Variants in UBR3 observed in about 807,000 individuals in gnomAD.
The protein encoded by UBR3 is ubiquitin protein ligase E3 component n-recognin 3, also known as E3 ubiquitin-protein ligase UBR3.
In UBR3, 85 loss-of-function variants were observed where a neutral mutation model predicts 243.2. The ratio of observed to expected loss-of-function variants is 0.35; its 90% CI spans 0.29 to 0.42. The LOEUF (loss-of-function observed/expected upper bound fraction) is 0.42, where lower values mean the gene tolerates loss of function less well. Ranked by LOEUF, UBR3 falls within the 10% of genes least tolerant of loss-of-function variation. The probability of loss-of-function intolerance (pLI) is 1.00; values close to 1 mark genes in which losing one functional copy is unlikely to be tolerated. For missense variants in UBR3, 1,686 were observed against 2,300.8 expected, an observed-to-expected ratio of 0.73 and a Z score of 5.47; for synonymous variants, 748 against 799.8, an observed-to-expected ratio of 0.94 and a Z score of 1.09.
At chr2:170,031,594 A>G (rs1024699936) in intron 31 of UBR3, among the ~76,000 whole-genome samples, 7 of 152,084 alleles carry the variant, frequency 4.6e-5, no homozygotes, top group African/African-American at 1.7e-4. Flanking sequence ...ATATTGCAAG[A>G]TGCTGAGGTT....
chr2:170,001,470 C>T, intron 27 of UBR3, 56 bp downstream of exon 27: 1 of 1,083,414 alleles, frequency 9.2e-7, no homozygotes. Context: ...GGTATTAAAT[C>T]TTTTTATAGT....
chr2:170,067,859 C>T (rs1188863127), intron 35 of UBR3, among the ~76,000 whole-genome samples: 1 of 150,844 alleles, frequency 6.6e-6, no homozygotes, highest in African/African-American at 2.4e-5. Context: ...AACCTCTGCA[C>T]CTGGGTTCAA....
At chr2:170,046,305 G>C (rs1447051520) in intron 32 of UBR3, among the ~76,000 whole-genome samples, 1 of 151,970 alleles carries the variant, frequency 6.6e-6, no homozygotes, top group Admixed American at 6.6e-5. Flanking sequence ...ATTTGGCTTA[G>C]GATCCAAAAA....
chr2:169,911,418 A>G (rs2085249870), intron 10 of UBR3, among the ~76,000 whole-genome samples: 2 of 152,162 alleles, frequency 1.3e-5, no homozygotes, highest in African/African-American at 4.8e-5. Context: ...TCTTCAGAAC[A>G]GTACTGGGAA....
intron 31 of UBR3, among the ~76,000 whole-genome samples, chr2:170,039,991 C>G (rs1048411268): frequency 6.6e-5 from 10 of 152,104 alleles, no homozygotes; most frequent in Non-Finnish European, 1.2e-4. Context: ...ACCTCAGCCT[C>G]CCATGCCTAT....
intron 35 of UBR3, among the ~76,000 whole-genome samples, chr2:170,068,316 A>G (rs2105452524): frequency 6.6e-6 from 1 of 152,150 alleles, no homozygotes; most frequent in South Asian, 2.1e-4. Context: ...TAAAATACAG[A>G]AATTAGCCGG....
chr2:169,848,886 G>T (rs750078200), intron 1 of UBR3, among the ~76,000 whole-genome samples: 1 of 151,796 alleles, frequency 6.6e-6, no homozygotes, highest in Non-Finnish European at 1.5e-5. Context: ...AACATGCAAG[G>T]GGAGAAGAAA....
chr2:170,037,873 T>C (rs2090871292), intron 31 of UBR3, among the ~76,000 whole-genome samples: 1 of 152,168 alleles, frequency 6.6e-6, no homozygotes, highest in Non-Finnish European at 1.5e-5. Context: ...GCGTTCTTAG[T>C]AGTATATAAT....
At chr2:169,896,927 A>C (rs1179495257) in intron 8 of UBR3, among the ~76,000 whole-genome samples, 192 bp downstream of exon 8, 1 of 152,164 alleles carries the variant, frequency 6.6e-6, no homozygotes, top group Non-Finnish European at 1.5e-5. Flanking sequence ...AAAATAATAC[A>C]TGTTTGTTAC....
At chr2:169,872,180 A>G (rs2083459102) in intron 1 of UBR3, 56 bp from the exon 2 acceptor site, 5 of 1,197,042 alleles carry the variant, frequency 4.2e-6, no homozygotes, top group Non-Finnish European at 5.6e-6. Flanking sequence ...AATAGAAATA[A>G]TATATTTTTA....
intron 26 of UBR3, among the ~76,000 whole-genome samples, chr2:169,999,384 G>T (rs1377352684): frequency 6.6e-6 from 1 of 152,168 alleles, no homozygotes; most frequent in East Asian, 1.9e-4. Context: ...AAGTCATTTT[G>T]TACTATGTAA....
At chr2:169,896,023 G>T (rs571228365) in intron 7 of UBR3, among the ~76,000 whole-genome samples, 3 of 152,138 alleles carry the variant, frequency 2.0e-5, no homozygotes, top group Non-Finnish European at 4.4e-5. Context: ...ACGGCTGGGC[G>T]TGGTAGCTCA....
At position 170,055,481 on chromosome 2, in the gene UBR3, A is replaced by G. The variant is rs1391227951; in HGVS notation, c.4682A>G (p.Lys1561Arg). Residue 1561 changes from lysine to arginine, a missense_variant, in exon 33 of 39, where the codon AAG becomes AGG. This residue lies in a region of UBR3 where 371 missense variants were observed against 422.5 expected (regional missense o/e 0.88). Transcript: ENST00000272793. ...GCAGACCACTTTACCTGCATTGTGAAGGTACTTTTTACCCTACTGTACACA... is the reference window on the plus strand; with the variant it reads ...GCAGACCACTTTACCTGCATTGTGAGGGTACTTTTTACCCTACTGTACACA... ...LRKDHFTCIV[K>R]VLFTLLYTQA... 3.7e-6 allele frequency: 6 copies of G among 1,613,422 alleles called. No individual in the cohort carries two copies. The African/African-American group carries it at 6.7e-5, about 18-fold the overall frequency.
chr2:169,837,181 A>G (rs1289199154), intron 1 of UBR3, among the ~76,000 whole-genome samples: 1 of 152,200 alleles, frequency 6.6e-6, no homozygotes, highest in Non-Finnish European at 1.5e-5. Context: ...TCGCACTGCT[A>G]TAAAGAACTG....
Position 169,827,945 on chromosome 2 carries a change from C to G in UBR3, c.438C>G (p.Ala146=), listed in dbSNP as rs1468013417. ...CGISPCMSLC[A]ECFHQGDHTG... ...TCTCGCCCTGCATGTCGCTGTGCGC[C>G]GAGTGCTTCCACCAGGGCGACCACA... Residue 146 remains alanine, a synonymous_variant, in exon 1 of 39, where the codon GCC becomes GCG. Coordinates refer to ENST00000272793, the MANE Select transcript of UBR3 (RefSeq NM_172070.4). 18 of 1,480,822 alleles carry G rather than the reference C, an allele frequency of 1.2e-5. No individual in the cohort carries two copies. The highest frequency in any genetic ancestry group is 1.7e-4 in the Middle Eastern group (1 of 5,810). The allele number at this position is 1,480,822 out of a possible 1,614,324, so 91.7% of individuals were successfully genotyped here.
chr2:170,011,860 A>G (rs190177347), intron 29 of UBR3, among the ~76,000 whole-genome samples: 62 of 152,220 alleles, frequency 4.1e-4, no homozygotes, highest in African/African-American at 1.3e-3. Flanking sequence ...TGGAAACCAA[A>G]TTGGGGGGAA....
chr2:169,922,777 C>G (rs1299465346), intron 11 of UBR3, among the ~76,000 whole-genome samples: 1 of 151,628 alleles, frequency 6.6e-6, no homozygotes, highest in Admixed American at 6.6e-5. Context: ...CATTGTTAGA[C>G]TTTCCTTTCT....
chr2:170,072,057 C>A (rs975772346), intron 35 of UBR3, among the ~76,000 whole-genome samples: 5 of 152,064 alleles, frequency 3.3e-5, no homozygotes, highest in African/African-American at 1.2e-4. Context: ...TTTGACCCAG[C>A]CATCCCATTA....
intron 31 of UBR3, among the ~76,000 whole-genome samples, chr2:170,033,292 T>A (rs2090728937): frequency 6.6e-6 from 1 of 152,072 alleles, no homozygotes; most frequent in Admixed American, 6.6e-5. Flanking sequence ...ATATAGTACT[T>A]CATGCTAGGC....
Sources: gnomAD v4.1 joint callset for allele counts (sites outside exome capture counted in the v4.1 genomes callset) on GRCh38, gnomAD v4.1.1 for gene constraint, gnomAD v4.1.1 regional missense constraint, MANE v1.5 for transcripts, NCBI Gene and HGNC (gene_info 2026-07-23, HGNC 2026-07-21) for gene names.